PTPRN2: variants seen among roughly 807,000 people sequenced by gnomAD.
PTPRN2 encodes the protein protein tyrosine phosphatase receptor type N2.
PTPRN2 carries 74 observed loss-of-function variants against 118.8 expected under a neutral mutation model. That is an observed-to-expected ratio of 0.62 (90% CI 0.52 to 0.76). PTPRN2 has a LOEUF of 0.76. Ranked by LOEUF, PTPRN2 falls within the 30% of genes least tolerant of loss-of-function variation. The pLI is 0.00. For missense variants in PTPRN2, 1,481 were observed against 1,394.4 expected (o/e 1.06, Z -0.99); for synonymous variants, 641 against 608.0 (o/e 1.05, Z -0.80).
chr7:158,337,471 A>C (rs1247197715), intron 2 of PTPRN2, among the ~76,000 whole-genome samples: 13 of 148,718 alleles, frequency 8.7e-5, no homozygotes, highest in Non-Finnish European at 5.9e-5. Flanking sequence ...CCACACTCTC[A>C]CCATAAGAGG....
At chr7:158,084,762 C>A (rs1022246922) in intron 10 of PTPRN2, among the ~76,000 whole-genome samples, 1 of 140,998 alleles carries the variant, frequency 7.1e-6, no homozygotes, top group Non-Finnish European at 1.5e-5. Flanking sequence ...GATGCCCATA[C>A]ACTCCGACAC....
At chr7:158,336,692 C>T (rs1406811593) in intron 2 of PTPRN2, among the ~76,000 whole-genome samples, 1 of 131,724 alleles carries the variant, frequency 7.6e-6, no homozygotes, top group Non-Finnish European at 1.7e-5. Flanking sequence ...CTGACGCCCG[C>T]AGACGTCACT....
Position 157,874,425 on chromosome 7 carries a change from C to T in PTPRN2, c.1788+24248G>A, listed in dbSNP as rs563756499. Among the ~76,000 whole-genome samples, 4 of 152,224 alleles carry T rather than the reference C, an allele frequency of 2.6e-5. No homozygotes were observed. The highest frequency in any genetic ancestry group is 4.8e-5 in the African/African-American group (2 of 41,454). On this transcript the variant is annotated intron_variant, in intron 12 of 22. Transcript: ENST00000389418. This position sits in a 1 kb window ranked among gnomAD's most constrained non-coding sequence, Gnocchi z 5.8. ...CTGTCCCCTCTCTCCTGCCCTGCCC[C>T]GATCCTGCCTCTGCTTCTGTCCACA...
chr7:158,082,390 A>T (rs978570064), intron 10 of PTPRN2, among the ~76,000 whole-genome samples: 1 of 152,112 alleles, frequency 6.6e-6, no homozygotes, highest in Non-Finnish European at 1.5e-5. Context: ...TTTGATTCAG[A>T]CATCTCTGCT....
intron 3 of PTPRN2, among the ~76,000 whole-genome samples, chr7:158,246,918 C>T (rs1470262158): frequency 2.0e-5 from 3 of 152,172 alleles, no homozygotes; most frequent in South Asian, 4.1e-4. Context: ...ACCAGGAATG[C>T]GCGGCCTGTT....
rs1817128057 is a variant in PTPRN2, at chr7:158,441,260, GAT to G, written c.163+48473_163+48474del. ...TGGCAATGAAGGTGATGGTGATGGTGATGGTGATAGTGATGGTGATGGTGGTG... is the reference window on the plus strand; with the variant it reads ...TGGCAATGAAGGTGATGGTGATGGTGGGTGATAGTGATGGTGATGGTGGTG... On this transcript the variant is annotated intron_variant, in intron 2 of 22. Coordinates refer to ENST00000389418, the MANE Select transcript of PTPRN2 (RefSeq NM_002847.5). Among the ~76,000 whole-genome samples, 19 of 108,178 alleles carry G rather than the reference GAT, an allele frequency of 1.8e-4. 2 individuals are homozygous for G. In the Admixed American group the frequency reaches 1.8e-3, roughly 10 times the overall value. The allele number at this position is 108,178 out of a possible 152,430, so 71.0% of individuals were successfully genotyped here.
intron 14 of PTPRN2, among the ~76,000 whole-genome samples, chr7:157,653,634 C>T (rs1805824374): frequency 6.6e-6 from 1 of 152,116 alleles, no homozygotes; most frequent in Admixed American, 6.5e-5. Context: ...GCTCCTGTAC[C>T]AGGGACATGC....
At chr7:158,162,052 C>G (rs1822410506) in intron 6 of PTPRN2, among the ~76,000 whole-genome samples, 2 of 152,174 alleles carry the variant, frequency 1.3e-5, no homozygotes, top group Non-Finnish European at 2.9e-5. Flanking sequence ...ACACACCTCT[C>G]AGAAGGGCCG....
Position 157,729,014 on chromosome 7 carries a change from A to T in PTPRN2, c.1789-46077T>A, listed in dbSNP as rs577931065. Among the ~76,000 whole-genome samples, 9 of 152,350 alleles carry T rather than the reference A, an allele frequency of 5.9e-5. No individual in the cohort carries two copies. Among genetic ancestry groups the T allele is most frequent in the Admixed American group, 5.9e-4 (9 of 15,306 alleles). ...GGAGTTTGGCTCACGTGATCCAGTC[A>T]CACAGAGGTCGGTCGTTGTCTGGAC... On this transcript the variant is annotated intron_variant, in intron 12 of 22. Transcript: ENST00000389418. The surrounding 1 kb of genome is among the most constrained non-coding windows in gnomAD (Gnocchi z 4.3).
At chr7:157,562,527 C>T (rs915941351) in intron 21 of PTPRN2, among the ~76,000 whole-genome samples, 1 of 152,220 alleles carries the variant, frequency 6.6e-6, no homozygotes, top group African/African-American at 2.4e-5. Context: ...TAAGGAACCA[C>T]ATGTGGCTAC....
intron 12 of PTPRN2, among the ~76,000 whole-genome samples, chr7:157,846,099 C>T (rs190415177): frequency 6.3e-4 from 96 of 152,136 alleles, no homozygotes; most frequent in Admixed American, 3.8e-3. Flanking sequence ...GTGAGCCACC[C>T]GCCAGGAAGC....
intron 11 of PTPRN2, among the ~76,000 whole-genome samples, chr7:158,076,010 G>A (rs1055242679): frequency 3.9e-5 from 6 of 152,230 alleles, no homozygotes; most frequent in Admixed American, 2.6e-4. Context: ...GAAGGGGAGC[G>A]CTGGGATCCC....
At chr7:158,147,530 C>T (rs1256003748) in intron 6 of PTPRN2, among the ~76,000 whole-genome samples, 23 of 129,248 alleles carry the variant, frequency 1.8e-4, no homozygotes, top group African/African-American at 7.4e-4. Context: ...CTCACTGACA[C>T]CCCATCTCAC....
At chr7:158,508,690 G>A (rs1300594410) in intron 1 of PTPRN2, among the ~76,000 whole-genome samples, 2 of 80,098 alleles carry the variant, frequency 2.5e-5, no homozygotes, top group Non-Finnish European at 4.7e-5. Context: ...GAGCAGGTGC[G>A]GAAGTGGCTC....
intron 11 of PTPRN2, among the ~76,000 whole-genome samples, chr7:158,034,853 G>C (rs762953092): frequency 6.6e-6 from 1 of 152,252 alleles, no homozygotes; most frequent in Non-Finnish European, 1.5e-5. Context: ...GGCTTCAGCT[G>C]CAAGAGAGTG....
chr7:158,083,629 C>T (rs1299925814), intron 10 of PTPRN2, among the ~76,000 whole-genome samples: 1 of 152,354 alleles, frequency 6.6e-6, no homozygotes, highest in Non-Finnish European at 1.5e-5. Context: ...CAGGAGAGGC[C>T]CACACAGCCC....
chr7:157,801,157 T>C lies in PTPRN2; in HGVS notation c.1788+97516A>G, dbSNP rs1021574712. Among the ~76,000 whole-genome samples the C allele has an allele frequency of 1.1e-4, 16 of 152,104 alleles. No individual in the cohort carries two copies. The highest frequency in any genetic ancestry group is 3.9e-4 in the East Asian group (2 of 5,192). On this transcript the variant is annotated intron_variant, in intron 12 of 22. Transcript: ENST00000389418. The surrounding 1 kb of genome is among the most constrained non-coding windows in gnomAD (Gnocchi z 4.2). The stretch of plus-strand genomic sequence containing the variant: ...CACAGCTTTCTCTTTGTGGTGCTTA[T>C]GTGGTGTCACAATGCGTCTTGTGCC...
intron 3 of PTPRN2, among the ~76,000 whole-genome samples, chr7:158,209,073 T>C (rs1827380686): frequency 6.6e-6 from 1 of 150,766 alleles, no homozygotes; most frequent in South Asian, 2.1e-4. Flanking sequence ...AGTAAAAAGC[T>C]AGAAATTAAA....
intron 2 of PTPRN2, among the ~76,000 whole-genome samples, chr7:158,317,587 C>T (rs1396715961): frequency 3.9e-5 from 6 of 152,210 alleles, no homozygotes; most frequent in East Asian, 1.9e-4. Context: ...AGTCTTTATT[C>T]GGCGAATTGT....
Sources: allele counts gnomAD v4.1 joint callset (sites outside exome capture counted in the v4.1 genomes callset), GRCh38; gene constraint gnomAD v4.1.1; non-coding constraint Gnocchi (gnomAD v3.1); transcripts MANE v1.5; gene names NCBI Gene and HGNC (gene_info 2026-07-23, HGNC 2026-07-21).